The following ROBO2 variants were observed in gnomAD, a reference collection of about 807,000 sequenced individuals.
ROBO2 encodes the protein roundabout homolog 2.
ROBO2 carries 53 observed loss-of-function variants against 160.8 expected under a neutral mutation model. That is an observed-to-expected ratio of 0.33 (90% CI 0.26 to 0.41). ROBO2 has a LOEUF of 0.41. ROBO2 is among the 10% of genes least tolerant of loss of function. The pLI is 1.00. For missense variants in ROBO2, 1,577 were observed against 1,722.4 expected, an observed-to-expected ratio of 0.92 and a Z score of 1.49; for synonymous variants, 664 against 611.7, an observed-to-expected ratio of 1.09 and a Z score of -1.26.
chr3:76,036,685 G>A (rs1003352129), intron 2 of ROBO2, among the ~76,000 whole-genome samples: 4 of 150,584 alleles, frequency 2.7e-5, no homozygotes, highest in African/African-American at 9.8e-5. Flanking sequence ...TGTATTTTTA[G>A]TAGAGACGGG....
chr3:77,222,504 T>C (rs565075133), intron 2 of ROBO2, among the ~76,000 whole-genome samples: 14 of 152,254 alleles, frequency 9.2e-5, no homozygotes, highest in South Asian at 2.1e-4. Context: ...TTTTTAAATA[T>C]AGAGGAATGT....
rs75207223 is a variant in ROBO2 at position 76,805,219 on chromosome 3, C to T, written c.110-292795C>T. On this transcript the variant is annotated intron_variant, in intron 2 of 26. Transcript: ENST00000487694. ...CTTTTCTTGACTCTGTCAATACAAG[C>T]GCCTTCCCTTTGCACTTTCATTTTT... Among the ~76,000 whole-genome samples the T allele has an allele frequency of 5.3e-4, 80 of 152,046 alleles. 1 individual carries two copies. The East Asian group carries it at 0.014, about 26-fold the overall frequency.
chr3:76,662,853 A>G (rs549271134), intron 2 of ROBO2, among the ~76,000 whole-genome samples: 4 of 152,258 alleles, frequency 2.6e-5, no homozygotes, highest in African/African-American at 9.6e-5. Context: ...ATGAGCATAG[A>G]CAGGTCAGTG....
intron 2 of ROBO2, among the ~76,000 whole-genome samples, chr3:76,104,271 A>T (rs2069828115): frequency 6.6e-6 from 1 of 152,220 alleles, no homozygotes; most frequent in Non-Finnish European, 1.5e-5. Context: ...TAAGCTGGAG[A>T]TCTAGAGTCA....
chr3:77,505,403 C>A (rs1233638933), intron 5 of ROBO2, among the ~76,000 whole-genome samples: 1 of 151,506 alleles, frequency 6.6e-6, no homozygotes, highest in Non-Finnish European at 1.5e-5. Flanking sequence ...AAAATTAATG[C>A]TGAGATTTGT....
At chr3:76,880,411 C>T (rs113447450) in intron 2 of ROBO2, among the ~76,000 whole-genome samples, 9 of 152,074 alleles carry the variant, frequency 5.9e-5, no homozygotes, top group Non-Finnish European at 4.4e-5. Flanking sequence ...GCTAGCTGAA[C>T]ATATTTCAGT....
chr3:77,185,155 A>C (rs1476672018), intron 2 of ROBO2, among the ~76,000 whole-genome samples: 1 of 152,034 alleles, frequency 6.6e-6, no homozygotes, highest in Non-Finnish European at 1.5e-5. Context: ...TAGTTCCATC[A>C]AAAATGAGGA....
chr3:76,333,834 C>T (rs949292445), intron 2 of ROBO2, among the ~76,000 whole-genome samples: 3 of 152,080 alleles, frequency 2.0e-5, no homozygotes, highest in Non-Finnish European at 4.4e-5. Context: ...TGGTTCATGT[C>T]CTTTGTAGGG....
chr3:76,302,451 T>C (rs1181406365), intron 2 of ROBO2, among the ~76,000 whole-genome samples: 3 of 152,022 alleles, frequency 2.0e-5, no homozygotes, highest in African/African-American at 7.2e-5. Context: ...ACCAATATTA[T>C]AGTACCCTAG....
intron 4 of ROBO2, among the ~76,000 whole-genome samples, chr3:77,482,944 T>G (rs541020057): frequency 7.9e-5 from 12 of 152,176 alleles, no homozygotes; most frequent in Non-Finnish European, 1.5e-4. Flanking sequence ...CAGAAGCAAT[T>G]AGACTTACCA....
intron 2 of ROBO2, among the ~76,000 whole-genome samples, chr3:77,248,706 GTCCAGGGCCTGTGCGC>G (rs2090012813): frequency 6.6e-6 from 1 of 152,050 alleles, no homozygotes; most frequent in African/African-American, 2.4e-5. Context: ...GGCCTGTGAG[GTCCAGGGCCTGTGCGC>G]TCCAGTTCCC....
chr3:77,512,118 T>C (rs1182820517), intron 5 of ROBO2, among the ~76,000 whole-genome samples: 1 of 151,904 alleles, frequency 6.6e-6, no homozygotes, highest in Non-Finnish European at 1.5e-5. Context: ...AACAAAATAA[T>C]GGCTTATTGT....
At chr3:76,223,575 A>G (rs1379691068) in intron 2 of ROBO2, among the ~76,000 whole-genome samples, 2 of 152,122 alleles carry the variant, frequency 1.3e-5, no homozygotes, top group East Asian at 1.9e-4. Flanking sequence ...TATAGGTTTC[A>G]GTTTTTCCCC....
At chr3:76,325,727 A>C (rs984269547) in intron 2 of ROBO2, among the ~76,000 whole-genome samples, 23 of 151,588 alleles carry the variant, frequency 1.5e-4, no homozygotes, top group African/African-American at 5.1e-4. Flanking sequence ...AAAAAAAAAA[A>C]CAACAACCCT....
chr3:77,554,839 T>C (rs1201113704), intron 8 of ROBO2, among the ~76,000 whole-genome samples: 1 of 152,018 alleles, frequency 6.6e-6, no homozygotes, highest in African/African-American at 2.4e-5. Flanking sequence ...ATTCAAAATA[T>C]CACATAAACT....
intron 2 of ROBO2, among the ~76,000 whole-genome samples, chr3:76,255,154 A>G (rs1349852488): frequency 2.6e-5 from 4 of 152,080 alleles, no homozygotes; most frequent in African/African-American, 9.7e-5. Flanking sequence ...TCAGTTAAAT[A>G]AATAAATCGA....
chr3:76,559,644 T>C (rs2084035039), intron 2 of ROBO2, among the ~76,000 whole-genome samples: 1 of 152,070 alleles, frequency 6.6e-6, no homozygotes, highest in African/African-American at 2.4e-5. Context: ...TATAAGTAGA[T>C]ACTATAGTAA....
At chr3:77,307,411 T>C (rs1370697482) in intron 2 of ROBO2, among the ~76,000 whole-genome samples, 1 of 152,198 alleles carries the variant, frequency 6.6e-6, no homozygotes. Context: ...CATAAAAGCA[T>C]ACAGGGGTGA....
intron 2 of ROBO2, among the ~76,000 whole-genome samples, chr3:76,250,107 A>G (rs749577537): frequency 6.6e-6 from 1 of 152,106 alleles, no homozygotes; most frequent in African/African-American, 2.4e-5. Context: ...TCAGTTAACA[A>G]AATTATGTAA....
Sources: allele counts gnomAD v4.1 joint callset (sites outside exome capture counted in the v4.1 genomes callset), GRCh38; gene constraint gnomAD v4.1.1; transcripts MANE v1.5; gene names NCBI Gene and HGNC (gene_info 2026-07-23, HGNC 2026-07-21).